The following LRP1B variants were observed in gnomAD, a reference collection of about 807,000 sequenced individuals.
LRP1B encodes the protein LDL receptor related protein 1B, also known as low-density lipoprotein receptor-related protein 1B.
LRP1B carries 217 observed loss-of-function variants against 556.6 expected under a neutral mutation model. The ratio of observed to expected loss-of-function variants is 0.39; its 90% confidence interval spans 0.35 to 0.44. The LOEUF is 0.44. Ranked by LOEUF, LRP1B falls within the 20% of genes least tolerant of loss-of-function variation. The pLI, the probability that LRP1B is intolerant of heterozygous loss-of-function variation, is 1.00. For synonymous variants in LRP1B, 2,047 were observed against 1,865.8 expected (o/e 1.10, Z -2.50); for missense variants, 5,053 against 5,620.8 (o/e 0.90, Z 3.23).
intron 1 of LRP1B, among the ~76,000 whole-genome samples, chr2:142,095,463 G>A (rs921990692): frequency 6.6e-6 from 1 of 151,702 alleles, no homozygotes; most frequent in African/African-American, 2.4e-5. Context: ...ACCTAAGTGT[G>A]TGCATGTGTG....
At chr2:140,596,567 T>A (rs1682449437) in intron 43 of LRP1B, among the ~76,000 whole-genome samples, 1 of 152,168 alleles carries the variant, frequency 6.6e-6, no homozygotes, top group Admixed American at 6.5e-5. Context: ...GTGCAAAGTG[T>A]TTATGGGTAA....
At chr2:140,259,034 T>C (rs991308964) in intron 86 of LRP1B, among the ~76,000 whole-genome samples, 1 of 152,146 alleles carries the variant, frequency 6.6e-6, no homozygotes, top group African/African-American at 2.4e-5. Context: ...CCTACTGCTA[T>C]AGAATGAATT....
intron 1 of LRP1B, among the ~76,000 whole-genome samples, chr2:141,887,556 G>A (rs1274069844): frequency 6.6e-6 from 1 of 152,118 alleles, no homozygotes; most frequent in African/African-American, 2.4e-5. Flanking sequence ...GAACACACAT[G>A]TATGAAACAA....
In LRP1B at chr2:140,513,813, T is replaced by C. The variant is rs565086231; in HGVS notation, c.8269+840A>G. Reference sequence around the variant, plus strand: ...TTATTCTATGACTTGGGTCCTTCTCTTCCTAAAAGAGGATGATAACAGCTG... The same window carrying C: ...TTATTCTATGACTTGGGTCCTTCTCCTCCTAAAAGAGGATGATAACAGCTG... On this transcript the variant is annotated intron_variant, in intron 51 of 90. Transcript: ENST00000389484. Among the ~76,000 whole-genome samples the C allele has an allele frequency of 2.6e-5, 4 of 152,154 alleles. No homozygotes were observed. The South Asian group carries it at 8.3e-4, about 32-fold the overall frequency.
chr2:140,237,830 T>C (rs1680776744), intron 89 of LRP1B, among the ~76,000 whole-genome samples: 1 of 150,872 alleles, frequency 6.6e-6, no homozygotes. Context: ...ACTAAAACAA[T>C]TTTTAAATGA....
chr2:140,494,359 G>A (rs1688825236), intron 56 of LRP1B, among the ~76,000 whole-genome samples: 1 of 152,106 alleles, frequency 6.6e-6, no homozygotes. Flanking sequence ...CAAGCATTAA[G>A]ATGGTCTGAA....
chr2:140,469,685 AT>A (rs1359628529), intron 60 of LRP1B, among the ~76,000 whole-genome samples: 1 of 152,138 alleles, frequency 6.6e-6, no homozygotes, highest in Non-Finnish European at 1.5e-5. Flanking sequence ...ATTCAACTTT[AT>A]TTGTGTAAGT....
intron 1 of LRP1B, among the ~76,000 whole-genome samples, chr2:141,978,302 T>G (rs1029851513): frequency 1.3e-5 from 2 of 152,040 alleles, no homozygotes; most frequent in African/African-American, 4.8e-5. Flanking sequence ...TTTCAGTAAA[T>G]TATATTGGAA....
chr2:141,182,029 A>G (rs1435619267), intron 7 of LRP1B, among the ~76,000 whole-genome samples: 4 of 151,942 alleles, frequency 2.6e-5, no homozygotes, highest in Non-Finnish European at 4.4e-5. Context: ...CAAATCCTGA[A>G]AGGAACTTGA....
At chr2:141,334,197 A>T (rs143368833) in intron 3 of LRP1B, among the ~76,000 whole-genome samples, 1 of 152,284 alleles carries the variant, frequency 6.6e-6, no homozygotes, top group East Asian at 1.9e-4. Flanking sequence ...CTCCTGTCCA[A>T]CTGTAATCCT....
Position 141,765,873 on chromosome 2 carries a change from C to T in LRP1B, c.205+44406G>A, listed in dbSNP as rs149578209. 1.1e-3 allele frequency among the ~76,000 whole-genome samples: 171 copies of T among 152,260 alleles called. 3 individuals carry two copies. In the East Asian group the frequency reaches 0.031, roughly 28 times the overall value. ...AATTATTGAACTCTACCTCTGACTT[C>T]GAAACTCAAAAACTCTGGGGTTAGG... On this transcript the variant is annotated intron_variant, in intron 2 of 90. Coordinates refer to ENST00000389484, the MANE Select transcript of LRP1B (RefSeq NM_018557.3).
chr2:141,767,575 A>G (rs1694768554), intron 2 of LRP1B, among the ~76,000 whole-genome samples: 1 of 151,946 alleles, frequency 6.6e-6, no homozygotes. Context: ...TCTTAATTTT[A>G]TAGCTTTATT....
intron 86 of LRP1B, among the ~76,000 whole-genome samples, chr2:140,252,277 T>C (rs539930323): frequency 6.6e-6 from 1 of 151,884 alleles, no homozygotes; most frequent in East Asian, 1.9e-4. Flanking sequence ...ATTCCTAATT[T>C]TTATAACATG....
At chr2:140,486,000 C>T (rs4130945) in intron 58 of LRP1B, among the ~76,000 whole-genome samples, 2 of 151,726 alleles carry the variant, frequency 1.3e-5, no homozygotes, top group Non-Finnish European at 1.5e-5. Context: ...AAAACACCAA[C>T]GAGAATAGGC....
At chr2:141,273,435 A>G (rs937024201) in intron 3 of LRP1B, among the ~76,000 whole-genome samples, 1 of 152,224 alleles carries the variant, frequency 6.6e-6, no homozygotes. Flanking sequence ...TCTCACATCT[A>G]TGGTCAATTA....
intron 1 of LRP1B, among the ~76,000 whole-genome samples, chr2:141,913,340 G>C (rs1047831336): frequency 6.6e-6 from 1 of 152,130 alleles, no homozygotes; most frequent in African/African-American, 2.4e-5. Context: ...AAAAATTCAC[G>C]TATGTAGAAA....
chr2:141,446,072 T>G (rs1177957170), intron 3 of LRP1B, among the ~76,000 whole-genome samples: 1 of 152,204 alleles, frequency 6.6e-6, no homozygotes, highest in African/African-American at 2.4e-5. Flanking sequence ...TGTAGGTCTC[T>G]AAGGACTTGC....
intron 1 of LRP1B, among the ~76,000 whole-genome samples, chr2:141,906,020 G>C (rs1699750381): frequency 6.7e-6 from 1 of 149,972 alleles, no homozygotes; most frequent in Admixed American, 6.7e-5. Context: ...GTGTGTGTGT[G>C]TGTGTCTGTG....
At position 140,324,034 on chromosome 2, in the gene LRP1B, C is replaced by T. The variant is rs1358291436; in HGVS notation, c.12373G>A (p.Glu4125Lys). The T allele has an allele frequency of 4.3e-6, 7 of 1,609,586 alleles. No homozygotes were observed. The highest frequency in any genetic ancestry group is 5.9e-6 in the Non-Finnish European group (7 of 1,177,096). The change falls in exon 81 of 91, where the codon GAA becomes AAA. Residue 4125 changes from glutamate (E) to lysine (K), a missense_variant. Coordinates refer to ENST00000389484, the MANE Select transcript of LRP1B (RefSeq NM_018557.3). ...GGTCCTGCTCCATATATATAATCTT[C>T]AAAGATATCGATCCTATGTGGATGT... Reference protein sequence around the residue: ...LLHPHRIDIFEDYIYGAGPKN... With the variant: ...LLHPHRIDIFKDYIYGAGPKN...
Sources: gnomAD v4.1 joint callset for allele counts (sites outside exome capture counted in the v4.1 genomes callset) on GRCh38, gnomAD v4.1.1 for gene constraint, MANE v1.5 for transcripts, NCBI Gene and HGNC (gene_info 2026-07-23, HGNC 2026-07-21) for gene names.